Variants in PPP4R2 observed in about 807,000 individuals in gnomAD.
PPP4R2 encodes protein phosphatase 4 regulatory subunit 2, also known as serine/threonine-protein phosphatase 4 regulatory subunit 2.
In PPP4R2, 13 loss-of-function variants were observed where a neutral mutation model predicts 47.2. The observed-to-expected ratio is 0.28, with a 90% CI of 0.18 to 0.44. The LOEUF is 0.44. Ranked by LOEUF, PPP4R2 falls within the 20% of genes least tolerant of loss-of-function variation. The pLI is 1.00. For missense variants in PPP4R2, 421 were observed against 491.2 expected (o/e 0.86, Z 1.35); for synonymous variants, 151 against 163.3 (o/e 0.92, Z 0.57).
At chr3:73,034,859 A>T (rs931266523) in intron 2 of PPP4R2, among the ~76,000 whole-genome samples, 6 of 151,620 alleles carry the variant, frequency 4.0e-5, no homozygotes, top group African/African-American at 1.5e-4. Flanking sequence ...AAAAAAAAAA[A>T]CATTTCCAAC....
chr3:73,011,627 G>C (rs541850205), intron 2 of PPP4R2, among the ~76,000 whole-genome samples: 1 of 152,238 alleles, frequency 6.6e-6, no homozygotes. Context: ...AAGGTTGAGT[G>C]TGGGTCAATA....
At chr3:73,054,925 TTA>T (rs1167465476) in intron 3 of PPP4R2, among the ~76,000 whole-genome samples, 6 of 152,170 alleles carry the variant, frequency 3.9e-5, no homozygotes, top group East Asian at 3.8e-4. Context: ...AATTGCTACT[TTA>T]TGTTAAGATG....
chr3:73,033,873 T>C (rs1363399998), intron 2 of PPP4R2, among the ~76,000 whole-genome samples: 1 of 152,256 alleles, frequency 6.6e-6, no homozygotes, highest in East Asian at 1.9e-4. Flanking sequence ...GCCGTGAATG[T>C]TGGTGTGCGA....
intron 2 of PPP4R2, among the ~76,000 whole-genome samples, chr3:73,001,277 GC>G (rs1308686624): frequency 6.6e-6 from 1 of 151,992 alleles, no homozygotes; most frequent in Non-Finnish European, 1.5e-5. Flanking sequence ...TAATTTACTG[GC>G]CAGGTGCAGT....
At chr3:73,017,290 G>A (rs546865830) in intron 2 of PPP4R2, among the ~76,000 whole-genome samples, 1 of 152,260 alleles carries the variant, frequency 6.6e-6, no homozygotes, top group African/African-American at 2.4e-5. Context: ...TAGCCTCATG[G>A]CTTCATTAAC....
At position 73,065,462 on chromosome 3, in the gene PPP4R2, G is replaced by A; in HGVS notation, c.994G>A (p.Ala332Thr). Residue 332 changes from alanine (A) to threonine (T), a missense_variant, in exon 9 of 9, where the codon GCC (alanine) becomes ACC (threonine). By Grantham distance (58) the Ala-to-Thr change is moderately conservative. Transcript: ENST00000356692. ...RKNQEKESDD[A>T]LTVNEETSEE... ...AAATCAAGAAAAAGAATCTGATGAT[G>A]CCTTAACTGTGAATGAAGAGACTTC... is the stretch of plus-strand genomic sequence containing the variant. 3 of 1,611,690 alleles carry A rather than the reference G, an allele frequency of 1.9e-6. No homozygotes were observed. The highest frequency in any genetic ancestry group is 2.5e-6 in the Non-Finnish European group (3 of 1,179,642).
chr3:73,035,657 C>T (rs1702248461), intron 2 of PPP4R2, among the ~76,000 whole-genome samples: 1 of 152,036 alleles, frequency 6.6e-6, no homozygotes, highest in Non-Finnish European at 1.5e-5. Context: ...TGGAGTTTCG[C>T]TCTGTTGCCC....
intron 2 of PPP4R2, among the ~76,000 whole-genome samples, chr3:73,019,364 CTAT>C (rs1701913651): frequency 6.6e-6 from 1 of 152,106 alleles, no homozygotes; most frequent in African/African-American, 2.4e-5. Context: ...TACAAAGGAA[CTAT>C]TATTTTATTT....
At chr3:73,003,692 G>GTT (rs968327056) in intron 2 of PPP4R2, among the ~76,000 whole-genome samples, 1 of 125,200 alleles carries the variant, frequency 8.0e-6, no homozygotes, top group African/African-American at 3.1e-5. Flanking sequence ...TATTTCTGGA[G>GTT]TTTTTTTTTG....
chr3:73,010,685 A>G (rs1701706009), intron 2 of PPP4R2, among the ~76,000 whole-genome samples: 1 of 151,742 alleles, frequency 6.6e-6, no homozygotes, highest in African/African-American at 2.4e-5. Flanking sequence ...CAGCCTCCTA[A>G]GTAGCTGGGA....
intron 2 of PPP4R2, among the ~76,000 whole-genome samples, chr3:73,019,303 G>T (rs556754675): frequency 6.6e-6 from 1 of 152,040 alleles, no homozygotes; most frequent in Non-Finnish European, 1.5e-5. Context: ...ACATACCCTC[G>T]TCATTAAAAG....
intron 2 of PPP4R2, among the ~76,000 whole-genome samples, chr3:73,042,983 C>A (rs772555783): frequency 3.3e-5 from 5 of 152,060 alleles, no homozygotes; most frequent in Non-Finnish European, 7.4e-5. Flanking sequence ...TCTGGCTGTT[C>A]CCATTAATGT....
intron 3 of PPP4R2, among the ~76,000 whole-genome samples, chr3:73,047,915 C>T (rs757719622): frequency 3.3e-5 from 5 of 152,182 alleles, no homozygotes; most frequent in Non-Finnish European, 5.9e-5. Context: ...CTCGCTCTGT[C>T]ACCTAGGCTG....
chr3:73,062,981 A>G (rs1255191022), intron 5 of PPP4R2: 27 of 1,213,950 alleles, frequency 2.2e-5, no homozygotes, highest in Non-Finnish European at 3.0e-5. Context: ...CCATTGCTCT[A>G]CGGGCCATTG....
intron 2 of PPP4R2, among the ~76,000 whole-genome samples, chr3:73,006,140 T>G (rs1013841431): frequency 3.3e-5 from 5 of 151,980 alleles, no homozygotes; most frequent in African/African-American, 9.7e-5. Context: ...TTCAACATAG[T>G]TTGTATTTCT....
intron 2 of PPP4R2, among the ~76,000 whole-genome samples, chr3:72,999,260 A>T (rs184918002): frequency 6.6e-6 from 1 of 152,188 alleles, no homozygotes; most frequent in Non-Finnish European, 1.5e-5. Context: ...GGGCGGGGGA[A>T]GTCATTTTTA....
intron 2 of PPP4R2, among the ~76,000 whole-genome samples, chr3:73,045,519 T>C (rs547631906): frequency 5.8e-5 from 8 of 137,322 alleles, no homozygotes; most frequent in African/African-American, 2.2e-4. Flanking sequence ...TCTACCACAT[T>C]CTCCTAATTT....
intron 5 of PPP4R2, chr3:73,062,137 G>T: frequency 6.5e-7 from 1 of 1,548,130 alleles, no homozygotes; most frequent in Admixed American, 2.1e-5. Flanking sequence ...CTTTTTGTTT[G>T]GGTCTGTGAC....
intron 4 of PPP4R2, among the ~76,000 whole-genome samples, chr3:73,059,408 C>A (rs1702796142): frequency 6.6e-6 from 1 of 152,120 alleles, no homozygotes; most frequent in Non-Finnish European, 1.5e-5. Context: ...ATTAAAGGTT[C>A]TGTGAAGTTA....
Sources: allele counts gnomAD v4.1 joint callset (sites outside exome capture counted in the v4.1 genomes callset), GRCh38; gene constraint gnomAD v4.1.1; transcripts MANE v1.5; gene names NCBI Gene and HGNC (gene_info 2026-07-23, HGNC 2026-07-21).